The following FBXO42 variants were observed in gnomAD, a reference collection of about 807,000 sequenced individuals.
FBXO42 encodes F-box only protein 42.
FBXO42 carries 12 observed loss-of-function variants against 71.7 expected under a neutral mutation model. That is an observed-to-expected ratio of 0.17 (90% CI 0.11 to 0.27). The LOEUF (loss-of-function observed/expected upper bound fraction) is 0.27. FBXO42 is among the 10% of genes least tolerant of loss of function. The pLI is 1.00. For synonymous variants in FBXO42, 325 were observed against 327.5 expected, an observed-to-expected ratio of 0.99 and a Z score of 0.08; for missense variants, 707 against 911.9, an observed-to-expected ratio of 0.78 and a Z score of 2.89.
chr1:16,322,442 G>A (rs931066312), intron 1 of FBXO42, among the ~76,000 whole-genome samples: 15 of 152,316 alleles, frequency 9.8e-5, no homozygotes, highest in African/African-American at 3.6e-4. Context: ...TGGGCGTGCA[G>A]GCGCATGCCT....
At chr1:16,286,324 C>G (rs554144951) in intron 4 of FBXO42, among the ~76,000 whole-genome samples, 6 of 152,270 alleles carry the variant, frequency 3.9e-5, no homozygotes, top group Admixed American at 3.9e-4. Flanking sequence ...ACTCACAGTT[C>G]CGCATTGCTG....
At chr1:16,253,240 C>T in intron 7 of FBXO42, 88 bp from the exon 8 acceptor site, 1 of 1,138,810 alleles carries the variant, frequency 8.8e-7, no homozygotes. Context: ...AATAGCCTAC[C>T]TAGCTCCCAA....
At chr1:16,268,852 G>C (rs1008457879) in intron 4 of FBXO42, among the ~76,000 whole-genome samples, 8 of 151,176 alleles carry the variant, frequency 5.3e-5, no homozygotes, top group Admixed American at 2.0e-4. Context: ...GGGTGTGGTG[G>C]CACATGCCTG....
At chr1:16,335,733 C>T (rs1031107603) in intron 1 of FBXO42, among the ~76,000 whole-genome samples, 5 of 151,266 alleles carry the variant, frequency 3.3e-5, no homozygotes, top group Non-Finnish European at 7.4e-5. Context: ...TGGGCGTGGT[C>T]GTGGGCACCT....
At chr1:16,319,919 AAAG>A (rs2082398551) in intron 1 of FBXO42, among the ~76,000 whole-genome samples, 1 of 151,438 alleles carries the variant, frequency 6.6e-6, no homozygotes, top group Non-Finnish European at 1.5e-5. Context: ...TTAAAAAAAA[AAAG>A]AAAAAGAAAA....
At chr1:16,253,572 T>C (rs898795597) in intron 7 of FBXO42, 63 bp downstream of exon 7, 10 of 1,488,064 alleles carry the variant, frequency 6.7e-6, no homozygotes, top group Non-Finnish European at 9.3e-6. Flanking sequence ...CCCTCCTCCC[T>C]CTCCCGTCCT....
chr1:16,302,841 T>A (rs2082209348), intron 3 of FBXO42, among the ~76,000 whole-genome samples: 1 of 152,078 alleles, frequency 6.6e-6, no homozygotes, highest in Non-Finnish European at 1.5e-5. Context: ...TCAGATCTCA[T>A]GAAAATTCTT....
rs148930606 is a variant in FBXO42 at position 16,277,820 on chromosome 1, C to T, written c.502+16963G>A. On this transcript the variant is annotated intron_variant, in intron 4 of 9. Coordinates refer to ENST00000375592, the MANE Select transcript of FBXO42 (RefSeq NM_018994.3). ...CTTTCGGAGGATGAGGCAGGAGGATCACTTGAGCCTAGAAGTTTGAGACCA... is the reference window on the plus strand; with the variant it reads ...CTTTCGGAGGATGAGGCAGGAGGATTACTTGAGCCTAGAAGTTTGAGACCA... 3.1e-3 allele frequency among the ~76,000 whole-genome samples: 474 copies of T among 150,646 alleles called. 4 individuals are homozygous for T. Among genetic ancestry groups the T allele is most frequent in the African/African-American group, 0.011 (457 of 40,976 alleles).
intron 1 of FBXO42, among the ~76,000 whole-genome samples, chr1:16,327,443 A>G (rs2100600999): frequency 6.6e-6 from 1 of 152,316 alleles, no homozygotes; most frequent in East Asian, 1.9e-4. Flanking sequence ...GCCTAGCTGA[A>G]AAACCAAAAA....
intron 1 of FBXO42, among the ~76,000 whole-genome samples, chr1:16,328,572 T>C (rs1032498422): frequency 6.6e-6 from 1 of 152,176 alleles, no homozygotes; most frequent in African/African-American, 2.4e-5. Flanking sequence ...CATGTTTAAA[T>C]AGATACAGAT....
intron 1 of FBXO42, among the ~76,000 whole-genome samples, chr1:16,350,432 T>C (rs1019923538): frequency 5.9e-5 from 9 of 151,624 alleles, no homozygotes; most frequent in South Asian, 2.1e-4. Flanking sequence ...CAAATTTCTA[T>C]GGAAAAGTCT....
chr1:16,344,554 T>C (rs2082637980), intron 1 of FBXO42, among the ~76,000 whole-genome samples: 1 of 148,534 alleles, frequency 6.7e-6, no homozygotes, highest in South Asian at 2.2e-4. Context: ...CAGGCTGGTG[T>C]CAAACTCCCA....
intron 4 of FBXO42, among the ~76,000 whole-genome samples, chr1:16,287,853 G>A (rs1172593372): frequency 6.6e-6 from 1 of 152,092 alleles, no homozygotes; most frequent in Non-Finnish European, 1.5e-5. Flanking sequence ...GGAAGCCGGG[G>A]CGGGTGGATC....
intron 1 of FBXO42, among the ~76,000 whole-genome samples, chr1:16,322,004 A>C (rs1258959944): frequency 1.3e-5 from 2 of 152,054 alleles, no homozygotes; most frequent in Non-Finnish European, 2.9e-5. Context: ...CCCTGTCTCT[A>C]CTAAAAACAC....
intron 4 of FBXO42, among the ~76,000 whole-genome samples, chr1:16,262,337 T>C (rs902438728): frequency 1.3e-5 from 2 of 152,214 alleles, no homozygotes; most frequent in African/African-American, 4.8e-5. Context: ...TTTCATACTT[T>C]GAATTTGTTT....
At chr1:16,348,389 A>G (rs1487811894) in intron 1 of FBXO42, among the ~76,000 whole-genome samples, 1 of 152,168 alleles carries the variant, frequency 6.6e-6, no homozygotes, top group Non-Finnish European at 1.5e-5. Flanking sequence ...ACCAATCCAC[A>G]TAGATTCTAT....
At chr1:16,327,033 T>C (rs964541462) in intron 1 of FBXO42, among the ~76,000 whole-genome samples, 3 of 152,182 alleles carry the variant, frequency 2.0e-5, no homozygotes, top group Non-Finnish European at 4.4e-5. Context: ...CTAAATGTCA[T>C]TTTAACTTCC....
intron 1 of FBXO42, among the ~76,000 whole-genome samples, chr1:16,337,606 G>C (rs1382726744): frequency 6.6e-6 from 1 of 152,018 alleles, no homozygotes; most frequent in Non-Finnish European, 1.5e-5. Flanking sequence ...GGCCAGGCCA[G>C]GCACAGTGGC....
At chr1:16,257,427 A>G (rs993563544) in intron 4 of FBXO42, among the ~76,000 whole-genome samples, 2 of 152,206 alleles carry the variant, frequency 1.3e-5, no homozygotes, top group African/African-American at 4.8e-5. Flanking sequence ...CAGTGAAACC[A>G]TAAGTCTTAC....
Sources: allele counts gnomAD v4.1 joint callset (sites outside exome capture counted in the v4.1 genomes callset), GRCh38; gene constraint gnomAD v4.1.1; transcripts MANE v1.5; gene names NCBI Gene and HGNC (gene_info 2026-07-23, HGNC 2026-07-21).